The following NCOR2 variants were observed in gnomAD, a reference collection of about 807,000 sequenced individuals.
NCOR2 encodes the protein CTG repeat protein 26.
Under a neutral mutation model 262.9 loss-of-function variants are expected in NCOR2, and 81 were observed. That is an observed-to-expected ratio of 0.31 (90% CI 0.26 to 0.37). NCOR2 has a LOEUF of 0.37. NCOR2 is among the 10% of genes least tolerant of loss of function. The pLI is 1.00. For missense variants in NCOR2, 3,385 were observed against 3,621.4 expected (o/e 0.93, Z 1.68); for synonymous variants, 1,659 against 1,559.3 (o/e 1.06, Z -1.51).
chr12:124,518,700 C>A (rs767964435), intron 1 of NCOR2, among the ~76,000 whole-genome samples: 1 of 152,276 alleles, frequency 6.6e-6, no homozygotes, highest in Non-Finnish European at 1.5e-5. Flanking sequence ...GGGCTTCCAG[C>A]CGACACTCGG....
chr12:124,353,485 G>A (rs988304976), intron 27 of NCOR2, among the ~76,000 whole-genome samples: 2 of 152,222 alleles, frequency 1.3e-5, no homozygotes, highest in Non-Finnish European at 2.9e-5. Flanking sequence ...CTTGTTGCCC[G>A]AAGCTCCACT....
At chr12:124,520,062 A>T (rs932154116) in intron 1 of NCOR2, among the ~76,000 whole-genome samples, 8 of 152,214 alleles carry the variant, frequency 5.3e-5, no homozygotes, top group Non-Finnish European at 8.8e-5. Flanking sequence ...GGGGGCCCAG[A>T]CTGGCCACGA....
At chr12:124,474,363 C>T (rs1047956641) in intron 3 of NCOR2, among the ~76,000 whole-genome samples, 2 of 152,160 alleles carry the variant, frequency 1.3e-5, no homozygotes. Flanking sequence ...TTTTATTTGC[C>T]CGTTATTTTT....
chr12:124,393,022 G>A (rs745945910), intron 16 of NCOR2, among the ~76,000 whole-genome samples: 30 of 152,226 alleles, frequency 2.0e-4, no homozygotes, highest in Non-Finnish European at 3.8e-4. Flanking sequence ...GCCAACTCCC[G>A]GTCTAGAATG....
chr12:124,458,399 G>C (rs1338924496), intron 5 of NCOR2, among the ~76,000 whole-genome samples: 3 of 152,198 alleles, frequency 2.0e-5, no homozygotes, highest in Non-Finnish European at 4.4e-5. Context: ...GTGGGCTCAA[G>C]CTGGAACCTA....
intron 20 of NCOR2, among the ~76,000 whole-genome samples, chr12:124,370,107 C>T (rs937951234): frequency 1.3e-5 from 2 of 152,214 alleles, no homozygotes; most frequent in African/African-American, 2.4e-5. Context: ...GCCCTGACCC[C>T]GCTATCCAGG....
rs539425931 is a variant in NCOR2, at chr12:124,507,668, G to A, written c.-117-12300C>T. Among the ~76,000 whole-genome samples, 81 of 152,342 alleles carry A rather than the reference G, an allele frequency of 5.3e-4. 1 individual carries two copies. The highest frequency in any genetic ancestry group is 3.3e-3 in the East Asian group (17 of 5,186). ...CCCTCGCCAGCTGCCTCCAACCCAGGTGGCCTCAAGGCCAGGGCCCAGGGA... is the reference window on the plus strand; with the variant it reads ...CCCTCGCCAGCTGCCTCCAACCCAGATGGCCTCAAGGCCAGGGCCCAGGGA... On this transcript the variant is annotated intron_variant, in intron 1 of 46. Transcript: ENST00000404621.
At chr12:124,363,572 G>T in intron 21 of NCOR2, 107 bp downstream of exon 23, 1 of 1,053,234 alleles carries the variant, frequency 9.5e-7, no homozygotes, top group Non-Finnish European at 1.3e-6. Context: ...AGAAGCGGAT[G>T]AGCTAGGCTG....
chr12:124,360,544 C>T (rs1022969793), intron 22 of NCOR2, among the ~76,000 whole-genome samples: 3 of 152,176 alleles, frequency 2.0e-5, no homozygotes, highest in Non-Finnish European at 2.9e-5. Context: ...CCGCAACACA[C>T]GCTCACTTCA....
chr12:124,431,459 G>A (rs983210232), intron 8 of NCOR2, among the ~76,000 whole-genome samples: 2 of 147,516 alleles, frequency 1.4e-5, no homozygotes, highest in Non-Finnish European at 3.0e-5. Context: ...CAGTCATATA[G>A]GCAGATACAC....
chr12:124,547,404 T>C (rs1186182716), intron 1 of NCOR2, among the ~76,000 whole-genome samples: 2 of 152,230 alleles, frequency 1.3e-5, no homozygotes, highest in Admixed American at 1.3e-4. Flanking sequence ...TATATAGGGT[T>C]CCATACTGTC....
At chr12:124,411,253 C>G (rs1397048977) in intron 13 of NCOR2, among the ~76,000 whole-genome samples, 1 of 151,588 alleles carries the variant, frequency 6.6e-6, no homozygotes, top group Non-Finnish European at 1.5e-5. Flanking sequence ...CGTAGCCACC[C>G]GTGTGCGCGC....
chr12:124,456,793 C>T (rs374551951), intron 6 of NCOR2, among the ~76,000 whole-genome samples: 196 of 152,324 alleles, frequency 1.3e-3, no homozygotes, highest in African/African-American at 4.5e-3. Flanking sequence ...GCAAGCGCAC[C>T]GGCCTACGGA....
chr12:124,359,253 G>GA (rs2038298766), intron 22 of NCOR2, among the ~76,000 whole-genome samples: 2 of 152,224 alleles, frequency 1.3e-5, no homozygotes, highest in African/African-American at 4.8e-5. Context: ...GAATGACGGA[G>GA]CCCTCTGGGT....
At chr12:124,358,102 C>CAT (rs1231382229) in intron 22 of NCOR2, among the ~76,000 whole-genome samples, 3 of 132,346 alleles carry the variant, frequency 2.3e-5, no homozygotes, top group Admixed American at 7.6e-5. Flanking sequence ...TGTGCGCGCG[C>CAT]GCACGTGCGT....
At chr12:124,400,557 ATTG>A in exon 15 of NCOR2, 1 of 1,614,164 alleles carries the variant, frequency 6.2e-7, no homozygotes, top group Non-Finnish European at 8.5e-7. Context: ...CTCATTAGCC[ATTG>A]AGCGGGTGAT....
At chr12:124,383,549 G>A (rs1243131310) in intron 17 of NCOR2, 2 of 486,656 alleles carry the variant, frequency 4.1e-6, no homozygotes, top group Non-Finnish European at 2.9e-6. Flanking sequence ...AAAAAAAAGA[G>A]GGGGCCTCAG....
chr12:124,349,632 A>T lies in NCOR2; in HGVS notation c.3844+955T>A, dbSNP rs1447390648. On this transcript the variant is annotated intron_variant, in intron 28 of 46. Coordinates refer to ENST00000405201, the Ensembl canonical transcript of NCOR2. ...ACACCTGCCGCTGCCTGCACTGCCTACCTGGCCCAGGGAGCAGACGAGAGT... is the reference window on the plus strand; with the variant it reads ...ACACCTGCCGCTGCCTGCACTGCCTTCCTGGCCCAGGGAGCAGACGAGAGT... 2.0e-5 allele frequency among the ~76,000 whole-genome samples: 3 copies of T among 152,002 alleles called. No individual in the cohort carries two copies. The East Asian group carries it at 5.8e-4, about 29-fold the overall frequency.
chr12:124,415,259 G>T (rs1056488510), intron 13 of NCOR2, among the ~76,000 whole-genome samples: 1 of 152,208 alleles, frequency 6.6e-6, no homozygotes, highest in Non-Finnish European at 1.5e-5. Flanking sequence ...TCCAAGCAGC[G>T]GTGCTGGGCC....
Sources: allele counts gnomAD v4.1 joint callset (sites outside exome capture counted in the v4.1 genomes callset), GRCh38; gene constraint gnomAD v4.1.1; transcripts MANE v1.5; gene names NCBI Gene and HGNC (gene_info 2026-07-23, HGNC 2026-07-21).